The following GET3 variants were observed in gnomAD, a reference collection of about 807,000 sequenced individuals.
GET3 encodes ATPase GET3.
Under a neutral mutation model 32.4 loss-of-function variants are expected in GET3, and 15 were observed. The observed-to-expected ratio is 0.46, with a 90% CI of 0.31 to 0.71. The LOEUF is 0.71. Ranked by LOEUF, GET3 falls within the 30% of genes least tolerant of loss-of-function variation. The pLI is 0.05. For missense variants in GET3, 333 were observed against 459.0 expected (o/e 0.73, Z 2.51); for synonymous variants, 198 against 185.6 (o/e 1.07, Z -0.54).
At chr19:12,746,860 A>G (rs1355119957) in intron 4 of GET3, among the ~76,000 whole-genome samples, 3 of 152,050 alleles carry the variant, frequency 2.0e-5, no homozygotes, top group African/African-American at 4.8e-5. Flanking sequence ...AAATACAAAA[A>G]TTAGCCGGGC....
At chr19:12,743,194 T>C (rs1464375253) in intron 2 of GET3, among the ~76,000 whole-genome samples, 1 of 152,052 alleles carries the variant, frequency 6.6e-6, no homozygotes, top group African/African-American at 2.4e-5. Flanking sequence ...GAGGGAGGCA[T>C]TGGCCGGGCA....
rs8177494 is a variant in GET3, at chr19:12,747,666, A to G, written c.915+74A>G. On this transcript the variant is annotated intron_variant, in intron 6 of 6. Coordinates refer to ENST00000357332, the MANE Select transcript of GET3 (RefSeq NM_004317.4). This position sits in a 1 kb window ranked among gnomAD's most constrained non-coding sequence, Gnocchi z 4.0. ...TTATTCTCTGATCTTTTGCTCCACC[A>G]TCTGGCCCTCTGCCCTCTAGCCTCC... 7.1e-3 allele frequency: 10,761 copies of G among 1,521,986 alleles called. 662 individuals carry two copies. The African/African-American group carries it at 0.13, about 18-fold the overall frequency. 94.3% of individuals were successfully genotyped at this position (1,521,986 alleles called of 1,614,324 possible). A position where few individuals can be genotyped will look rare whatever the true frequency, so the allele number is the denominator to read the frequency against.
Position 12,748,053 on chromosome 19 carries a change from C to A in GET3, c.996C>A (p.Asn332Lys). 6.2e-7 allele frequency: 1 copy of A among 1,612,162 alleles called. No individual in the cohort carries two copies. Among genetic ancestry groups the A allele is most frequent in the South Asian group, 1.1e-5 (1 of 90,936 alleles). The part of the protein sequence containing the change: ...PHEVRGADKV[N>K]TFSALLLEPY... ...AGGTGCGGGGGGCAGACAAGGTCAACACCTTCTCGGCCCTCCTCCTGGAGC... is the reference window on the plus strand; with the variant it reads ...AGGTGCGGGGGGCAGACAAGGTCAAAACCTTCTCGGCCCTCCTCCTGGAGC... The change falls in exon 7 of 7, where the codon AAC becomes AAA. Residue 332 changes from asparagine (N) to lysine (K), a missense_variant. Coordinates refer to ENST00000357332, the MANE Select transcript of GET3 (RefSeq NM_004317.4).
chr19:12,747,343 C>G lies in GET3; in HGVS notation c.717+39C>G, dbSNP rs758466746. 3.7e-6 allele frequency: 6 copies of G among 1,610,820 alleles called. No homozygotes were observed. The highest frequency in any genetic ancestry group is 5.1e-6 in the Non-Finnish European group (6 of 1,177,550). On this transcript the variant is annotated intron_variant, in intron 5 of 6. Transcript: ENST00000357332. The surrounding 1 kb of genome is among the most constrained non-coding windows in gnomAD (Gnocchi z 4.0). ...TGGCTGGCGGTGAGAGGCCCGGGGG[C>G]TGAGGACAGGGGCAGACCCCGCCCC...
intron 2 of GET3, among the ~76,000 whole-genome samples, chr19:12,743,858 T>C (rs1599450618): frequency 1.5e-5 from 2 of 131,632 alleles, no homozygotes; most frequent in South Asian, 2.7e-4. Flanking sequence ...GCCTCCCAAG[T>C]AGCTGGGACT....
At position 12,747,186 on chromosome 19, in the gene GET3, C is replaced by T. The variant is rs1044903492; in HGVS notation, c.610-11C>T. 14 of 1,573,792 alleles carry T rather than the reference C, an allele frequency of 8.9e-6. No individual in the cohort carries two copies. Among genetic ancestry groups the T allele is most frequent in the Non-Finnish European group, 1.2e-5 (14 of 1,159,000 alleles). Reference sequence around the variant, plus strand: ...AGGTAAGCTATGAGCCCTCCCACATCCCCCCTGCAGATGTGCAACATGCTG... The same window carrying T: ...AGGTAAGCTATGAGCCCTCCCACATTCCCCCTGCAGATGTGCAACATGCTG... On this transcript the variant is annotated splice_polypyrimidine_tract_variant and intron_variant, in intron 4 of 6. Coordinates refer to ENST00000357332, the MANE Select transcript of GET3 (RefSeq NM_004317.4). The surrounding 1 kb of genome is among the most constrained non-coding windows in gnomAD (Gnocchi z 4.0).
At chr19:12,746,450 C>G (rs1017155946) in intron 4 of GET3, among the ~76,000 whole-genome samples, 1 of 152,094 alleles carries the variant, frequency 6.6e-6, no homozygotes, top group African/African-American at 2.4e-5. Context: ...GTTATTATTA[C>G]GATGACAACC....
intron 4 of GET3, among the ~76,000 whole-genome samples, chr19:12,746,941 C>T (rs1011338468): frequency 1.0e-4 from 15 of 150,052 alleles, no homozygotes; most frequent in African/African-American, 2.7e-4. Context: ...ACCCAGGAGG[C>T]GGCGGTTGCA....
chr19:12,741,594 AC>A (rs1292009378), intron 2 of GET3, among the ~76,000 whole-genome samples: 1 of 151,974 alleles, frequency 6.6e-6, no homozygotes, highest in Non-Finnish European at 1.5e-5. Context: ...CCCCGTCTCT[AC>A]TAAAAATACA....
upstream of GET3, chr19:12,737,321 C>A: frequency 2.3e-6 from 2 of 860,652 alleles, no homozygotes; most frequent in East Asian, 3.2e-5. Context: ...AAATTATAGA[C>A]CAGAGGTTGA....
chr19:12,740,002 G>A (rs1967635991), intron 2 of GET3, among the ~76,000 whole-genome samples: 1 of 151,806 alleles, frequency 6.6e-6, no homozygotes, highest in East Asian at 2.0e-4. Flanking sequence ...CTCAGCCTCC[G>A]GAGTTGCTGG....
rs957253190 is a variant in GET3 at position 12,745,928 on chromosome 19, A to T, written c.609+169A>T. 4.6e-5 allele frequency among the ~76,000 whole-genome samples: 7 copies of T among 152,088 alleles called. No homozygotes were observed. The highest frequency in any genetic ancestry group is 1.7e-4 in the African/African-American group (7 of 41,436). ...GACGGAGCTGTCTTTCCTCCCCCAC[A>T]GGCAGGACTCAGTGTCCCTGCCCCT... On this transcript the variant is annotated intron_variant, in intron 4 of 6. Transcript: ENST00000357332. This position sits in a 1 kb window ranked among gnomAD's most constrained non-coding sequence, Gnocchi z 5.0.
At position 12,741,965 on chromosome 19, in the gene GET3, C is replaced by T. The variant is rs113756516; in HGVS notation, c.309+3307C>T. ...GGGAATACTCTTCAGGAGTGTTCGGCCCTCAAGTGCAGTGATACTAAAGAG... is the reference window on the plus strand; with the variant it reads ...GGGAATACTCTTCAGGAGTGTTCGGTCCTCAAGTGCAGTGATACTAAAGAG... On this transcript the variant is annotated intron_variant, in intron 2 of 6. Coordinates refer to ENST00000357332, the MANE Select transcript of GET3 (RefSeq NM_004317.4). 4.6e-3 allele frequency among the ~76,000 whole-genome samples: 702 copies of T among 152,178 alleles called. 6 individuals are homozygous for T. Among genetic ancestry groups the T allele is most frequent in the Non-Finnish European group, 8.4e-3 (569 of 68,004 alleles).
Position 12,737,581 on chromosome 19 carries a change from C to T in GET3, c.76C>T (p.Pro26Ser), listed in dbSNP as rs1205981436. The T allele has an allele frequency of 6.2e-7, 1 of 1,611,646 alleles. No individual in the cohort carries two copies. Among genetic ancestry groups the T allele is most frequent in the Non-Finnish European group, 8.5e-7 (1 of 1,179,204 alleles). ...EDAPDVEPLE[P>S]TLSNIIEQRS... Reference sequence around the variant, plus strand: ...TGCTCCTGATGTGGAGCCGCTGGAGCCTACACTTAGCAACATCATCGAGCA... The same window carrying T: ...TGCTCCTGATGTGGAGCCGCTGGAGTCTACACTTAGCAACATCATCGAGCA... The change falls in exon 1 of 7, where the codon CCT (proline) becomes TCT (serine). Residue 26 changes from proline (P) to serine (S), a missense_variant. Coordinates refer to ENST00000357332, the MANE Select transcript of GET3 (RefSeq NM_004317.4).
chr19:12,737,699 G>C (rs768253849), intron 1 of GET3, 33 bp downstream of exon 1: 2 of 1,593,774 alleles, frequency 1.3e-6, no homozygotes, highest in Non-Finnish European at 1.7e-6. Context: ...CAGGAGGCGT[G>C]TAGGATATAC....
chr19:12,737,183 G>A (rs749206914), upstream of GET3: 68 of 216,952 alleles, frequency 3.1e-4, 1 homozygote, highest in Middle Eastern at 1.6e-3. Context: ...CGGAACATAA[G>A]AGTGATTGGT....
At chr19:12,739,779 C>T (rs1195061753) in intron 2 of GET3, among the ~76,000 whole-genome samples, 1 of 151,508 alleles carries the variant, frequency 6.6e-6, no homozygotes, top group Non-Finnish European at 1.5e-5. Context: ...CATGGTGGCT[C>T]ATTCCTGTAA....
rs1967755521 is a variant in GET3 at position 12,745,561 on chromosome 19, G to C, written c.458+36G>C. 6.2e-7 allele frequency: 1 copy of C among 1,612,478 alleles called. No individual in the cohort carries two copies. Among genetic ancestry groups the C allele is most frequent in the Non-Finnish European group, 8.5e-7 (1 of 1,179,978 alleles). On this transcript the variant is annotated intron_variant, in intron 3 of 6. Transcript: ENST00000357332. The surrounding 1 kb of genome is among the most constrained non-coding windows in gnomAD (Gnocchi z 5.0). ...GCCAGCAGGGGTGGGGGCTGCCTGG[G>C]GAAGGGGAAGAGCGGACACAGAGGG...
intron 2 of GET3, among the ~76,000 whole-genome samples, chr19:12,743,368 C>T (rs1967705039): frequency 6.6e-6 from 1 of 151,862 alleles, no homozygotes; most frequent in Non-Finnish European, 1.5e-5. Flanking sequence ...CCCAGCTACT[C>T]AGGAAGCTGA....
Sources: allele counts gnomAD v4.1 joint callset (sites outside exome capture counted in the v4.1 genomes callset), GRCh38; gene constraint gnomAD v4.1.1; non-coding constraint Gnocchi (gnomAD v3.1); transcripts MANE v1.5; gene names NCBI Gene and HGNC (gene_info 2026-07-23, HGNC 2026-07-21).